The following RBFOX1 variants were observed in gnomAD, a reference collection of about 807,000 sequenced individuals.
The protein encoded by RBFOX1 is RNA binding fox-1 homolog 1, also known as RNA binding protein fox-1 homolog 1.
RBFOX1 carries 8 observed loss-of-function variants against 57.7 expected under a neutral mutation model. The observed-to-expected ratio is 0.14, with a 90% CI of 0.08 to 0.25. The LOEUF (loss-of-function observed/expected upper bound fraction) is 0.25, where lower values mean the gene tolerates loss of function less well. Among genes scored for constraint, RBFOX1 ranks in the 10% least tolerant of loss-of-function variants. RBFOX1 has a pLI of 1.00. For missense variants in RBFOX1, 611 were observed against 548.5 expected (o/e 1.11, Z -1.14); for synonymous variants, 326 against 222.4 (o/e 1.47, Z -4.15).
At chr16:7,394,175 G>T (rs1387931386) in intron 4 of RBFOX1, among the ~76,000 whole-genome samples, 2 of 128,870 alleles carry the variant, frequency 1.6e-5, no homozygotes, top group African/African-American at 5.7e-5. Flanking sequence ...GGCAGAGGTT[G>T]TAGTGAGCCA....
chr16:7,028,362 A>T (rs529352558), intron 3 of RBFOX1, among the ~76,000 whole-genome samples: 7 of 151,958 alleles, frequency 4.6e-5, no homozygotes, highest in South Asian at 2.1e-4. Context: ...GTTAGATGGG[A>T]TGGATTTTAT....
At chr16:7,540,760 G>C (rs1315645165) in intron 5 of RBFOX1, among the ~76,000 whole-genome samples, 1 of 152,204 alleles carries the variant, frequency 6.6e-6, no homozygotes, top group African/African-American at 2.4e-5. Flanking sequence ...ACCGAAGGGA[G>C]TTCATGTTGT....
At chr16:6,841,974 T>TAAAA (rs57783370) in intron 3 of RBFOX1, among the ~76,000 whole-genome samples, 27 of 147,740 alleles carry the variant, frequency 1.8e-4, no homozygotes, top group African/African-American at 6.2e-4. Context: ...CCGTCTCTAT[T>TAAAA]AAAAAAAAAA....
intron 3 of RBFOX1, among the ~76,000 whole-genome samples, chr16:5,672,503 C>A (rs2050042309): frequency 6.6e-6 from 1 of 152,090 alleles, no homozygotes; most frequent in African/African-American, 2.4e-5. Flanking sequence ...ACAAGCACAC[C>A]CCTCCAGACC....
intron 1 of RBFOX1, among the ~76,000 whole-genome samples, chr16:6,133,322 C>T (rs561668578): frequency 1.3e-5 from 2 of 152,208 alleles, no homozygotes; most frequent in Non-Finnish European, 2.9e-5. Flanking sequence ...CTCTCTCTAG[C>T]ATGTGGACTT....
intron 3 of RBFOX1, among the ~76,000 whole-genome samples, chr16:6,849,931 G>T (rs766516854): frequency 1.3e-5 from 2 of 152,134 alleles, no homozygotes; most frequent in Non-Finnish European, 2.9e-5. Flanking sequence ...CTAGGAAGAT[G>T]ACTTGGATTA....
chr16:7,558,835 G>A (rs185582731), intron 5 of RBFOX1, among the ~76,000 whole-genome samples: 1 of 152,196 alleles, frequency 6.6e-6, no homozygotes, highest in African/African-American at 2.4e-5. Context: ...TGTGAAATAA[G>A]TATATGAAAA....
Position 7,404,457 on chromosome 16 carries a change from C to T in RBFOX1, c.28-113690C>T, listed in dbSNP as rs115005271. Among the ~76,000 whole-genome samples, 888 of 152,326 alleles carry T rather than the reference C, an allele frequency of 5.8e-3. 13 individuals carry two copies. The highest frequency in any genetic ancestry group is 0.021 in the African/African-American group (853 of 41,572). On this transcript the variant is annotated intron_variant, in intron 4 of 15. Transcript: ENST00000550418. ...ATAGCTTCTTAGAGGTGAATGATGA[C>T]GGCTCCTGTTAACATTTTCTGGCAG...
At chr16:7,496,637 G>T (rs2068726877) in intron 4 of RBFOX1, among the ~76,000 whole-genome samples, 2 of 150,470 alleles carry the variant, frequency 1.3e-5, no homozygotes, top group African/African-American at 4.9e-5. Context: ...TCATAGCAAG[G>T]CCTCAGTTTA....
rs540564639 is a variant in RBFOX1 at position 6,024,981 on chromosome 16, C to T, written c.-127+4989C>T. Among the ~76,000 whole-genome samples the T allele has an allele frequency of 1.9e-3, 287 of 152,318 alleles. 3 individuals carry two copies. The highest frequency in any genetic ancestry group is 0.014 in the Middle Eastern group (4 of 294). On this transcript the variant is annotated intron_variant, in intron 1 of 15. Coordinates refer to ENST00000550418, the MANE Select transcript of RBFOX1 (RefSeq NM_018723.4). ...ACCAACAAGCACAACGATCCAGAGGCTGGAATAGTGACAAAATCATACAGT... is the reference window on the plus strand; with the variant it reads ...ACCAACAAGCACAACGATCCAGAGGTTGGAATAGTGACAAAATCATACAGT...
intron 3 of RBFOX1, among the ~76,000 whole-genome samples, chr16:6,910,581 C>T (rs1325223428): frequency 2.0e-5 from 3 of 152,162 alleles, no homozygotes; most frequent in Admixed American, 6.5e-5. Context: ...ATCAAAGCCT[C>T]AGCAGGGCTG....
chr16:5,418,025 G>C (rs1308178339), intron 1 of RBFOX1, among the ~76,000 whole-genome samples: 1 of 152,138 alleles, frequency 6.6e-6, no homozygotes, highest in Non-Finnish European at 1.5e-5. Context: ...AGGTTGCACT[G>C]AGCTGAGATT....
chr16:7,216,518 G>A (rs2092071784), intron 4 of RBFOX1, among the ~76,000 whole-genome samples: 1 of 152,072 alleles, frequency 6.6e-6, no homozygotes, highest in African/African-American at 2.4e-5. Context: ...TCTACTTCAT[G>A]GGTTATTGTA....
chr16:6,854,720 G>C (rs1274807640), intron 3 of RBFOX1, among the ~76,000 whole-genome samples: 1 of 146,878 alleles, frequency 6.8e-6, no homozygotes, highest in Non-Finnish European at 1.5e-5. Flanking sequence ...TCAGCCTCCC[G>C]AGTAGCTGGA....
At chr16:5,983,774 T>G (rs1408645401) in intron 4 of RBFOX1, among the ~76,000 whole-genome samples, 2 of 152,022 alleles carry the variant, frequency 1.3e-5, no homozygotes, top group African/African-American at 2.4e-5. Context: ...TTCTGAACAG[T>G]GATTTTTAAC....
Position 7,059,416 on chromosome 16 carries a change from G to A in RBFOX1, c.27+7318G>A, listed in dbSNP as rs190759965. Among the ~76,000 whole-genome samples the A allele has an allele frequency of 1.3e-3, 198 of 152,244 alleles. 1 individual carries two copies. Among genetic ancestry groups the A allele is most frequent in the African/African-American group, 4.3e-3 (178 of 41,540 alleles). ...AAGAAATATTTTTTGAGCAGAAACC[G>A]TATGCCAATCACTGTGCTAGGCAGT... On this transcript the variant is annotated intron_variant, in intron 4 of 15. Transcript: ENST00000550418.
At chr16:5,511,716 G>A (rs2151724090) in intron 2 of RBFOX1, among the ~76,000 whole-genome samples, 1 of 152,282 alleles carries the variant, frequency 6.6e-6, no homozygotes, top group East Asian at 1.9e-4. Flanking sequence ...ATGAAACCAG[G>A]ATTTGAACCC....
intron 1 of RBFOX1, among the ~76,000 whole-genome samples, chr16:5,323,777 C>G (rs182511278): frequency 1.4e-4 from 22 of 152,336 alleles, no homozygotes; most frequent in African/African-American, 5.3e-4. Flanking sequence ...GTTGGCCTTA[C>G]TGATAGTTCT....
At chr16:6,808,060 T>G (rs1767511275) in intron 3 of RBFOX1, among the ~76,000 whole-genome samples, 1 of 150,562 alleles carries the variant, frequency 6.6e-6, no homozygotes, top group African/African-American at 2.4e-5. Context: ...TCCTATACAA[T>G]AGAACTATAT....
Sources: allele counts gnomAD v4.1 joint callset (sites outside exome capture counted in the v4.1 genomes callset), GRCh38; gene constraint gnomAD v4.1.1; transcripts MANE v1.5; gene names NCBI Gene and HGNC (gene_info 2026-07-23, HGNC 2026-07-21).